Variants in ACYP2 observed in about 807,000 individuals in gnomAD.
ACYP2 encodes acylphosphatase-2.
Under a neutral mutation model 11.2 loss-of-function variants are expected in ACYP2, and 12 were observed. The observed-to-expected ratio is 1.08, with a 90% CI of 0.69 to 1.74. The LOEUF (loss-of-function observed/expected upper bound fraction) is 1.74, where lower values mean the gene tolerates loss of function less well. ACYP2 is among the 40% of genes most tolerant of loss of function. ACYP2 has a pLI of 0.00. For synonymous variants in ACYP2, 43 were observed against 32.2 expected, an observed-to-expected ratio of 1.33 and a Z score of -1.13; for missense variants, 134 against 101.9, an observed-to-expected ratio of 1.31 and a Z score of -1.35.
At chr2:54,052,009 T>C (rs1282422814) in intron 3 of ACYP2, among the ~76,000 whole-genome samples, 1 of 151,478 alleles carries the variant, frequency 6.6e-6, no homozygotes, top group Non-Finnish European at 1.5e-5. Flanking sequence ...ATCGCACCAT[T>C]GCACTGGAGC....
intron 2 of ACYP2, among the ~76,000 whole-genome samples, chr2:54,038,940 G>A (rs1307694287): frequency 1.3e-5 from 2 of 151,954 alleles, no homozygotes; most frequent in Non-Finnish European, 2.9e-5. Flanking sequence ...ACAGGGAAGG[G>A]CTCACTGAGA....
chr2:54,007,566 A>C (rs1429686875), intron 2 of ACYP2, among the ~76,000 whole-genome samples: 4 of 151,886 alleles, frequency 2.6e-5, no homozygotes, highest in Non-Finnish European at 4.4e-5. Context: ...ATGGTTTTTC[A>C]TTAGGTTTAC....
chr2:54,061,525 C>G (rs567046413), intron 4 of ACYP2, among the ~76,000 whole-genome samples: 16 of 152,260 alleles, frequency 1.1e-4, no homozygotes, highest in Non-Finnish European at 1.6e-4. Context: ...GAGGGCTGGT[C>G]TATAATTGTA....
At chr2:54,163,266 A>G (rs1050503827) in intron 6 of ACYP2, among the ~76,000 whole-genome samples, 12 of 152,182 alleles carry the variant, frequency 7.9e-5, no homozygotes, top group Admixed American at 2.0e-4. Flanking sequence ...TTGATTTAGT[A>G]TACCTAAAGT....
chr2:54,147,884 A>C (rs1681966995), intron 6 of ACYP2, among the ~76,000 whole-genome samples: 1 of 152,132 alleles, frequency 6.6e-6, no homozygotes, highest in African/African-American at 2.4e-5. Context: ...GTTTTGTACC[A>C]GCTAGGAATA....
At chr2:54,162,401 G>C (rs1474479162) in intron 6 of ACYP2, among the ~76,000 whole-genome samples, 1 of 152,104 alleles carries the variant, frequency 6.6e-6, no homozygotes, top group African/African-American at 2.4e-5. Context: ...TACTAGCTCA[G>C]TATTCTCTCT....
chr2:54,255,870 GGGT>G (rs777269874), intron 6 of ACYP2: 2 of 1,613,992 alleles, frequency 1.2e-6, no homozygotes, highest in Non-Finnish European at 1.7e-6. Flanking sequence ...GGCCCTCCGC[GGGT>G]GGTGGAGTCA....
intron 6 of ACYP2, among the ~76,000 whole-genome samples, chr2:54,228,954 A>C (rs1202043930): frequency 6.6e-6 from 1 of 152,216 alleles, no homozygotes. Context: ...AAGTAGAGGC[A>C]GCATTTCTTG....
intron 6 of ACYP2, among the ~76,000 whole-genome samples, chr2:54,291,376 G>A (rs1689295962): frequency 6.6e-6 from 1 of 152,088 alleles, no homozygotes; most frequent in African/African-American, 2.4e-5. Context: ...CCACCATACA[G>A]ACCGGCAAAA....
intron 2 of ACYP2, among the ~76,000 whole-genome samples, chr2:54,017,873 A>G (rs775066192): frequency 1.3e-5 from 2 of 151,160 alleles, no homozygotes; most frequent in East Asian, 2.0e-4. Flanking sequence ...GTATTTAAAA[A>G]TTTTTTTTTC....
intron 6 of ACYP2, among the ~76,000 whole-genome samples, chr2:54,166,402 A>T (rs948886044): frequency 6.6e-6 from 1 of 152,234 alleles, no homozygotes; most frequent in Non-Finnish European, 1.5e-5. Flanking sequence ...ACACAGAAGA[A>T]TGTGTATACA....
intron 6 of ACYP2, among the ~76,000 whole-genome samples, chr2:54,270,141 CCT>C (rs1326580945): frequency 6.6e-6 from 1 of 151,932 alleles, no homozygotes; most frequent in South Asian, 2.1e-4. Context: ...TAACTTCTTC[CCT>C]GTTTCCTAAT....
At chr2:54,163,960 G>A (rs997222994) in intron 6 of ACYP2, among the ~76,000 whole-genome samples, 8 of 152,202 alleles carry the variant, frequency 5.3e-5, no homozygotes, top group Admixed American at 2.6e-4. Flanking sequence ...TAAAGTCCTT[G>A]ACCTTGAGGA....
intron 6 of ACYP2, among the ~76,000 whole-genome samples, chr2:54,213,398 C>T (rs1007218802): frequency 3.9e-5 from 6 of 152,058 alleles, no homozygotes; most frequent in African/African-American, 1.4e-4. Flanking sequence ...CTGTGATAAA[C>T]ATATACGTGC....
At chr2:54,269,772 C>A (rs539816012) in intron 6 of ACYP2, among the ~76,000 whole-genome samples, 2 of 152,294 alleles carry the variant, frequency 1.3e-5, no homozygotes, top group East Asian at 3.9e-4. Context: ...TTCCCTTGTT[C>A]CACCTCAATT....
intron 6 of ACYP2, among the ~76,000 whole-genome samples, chr2:54,224,109 T>A (rs1372333248): frequency 6.6e-6 from 1 of 152,110 alleles, no homozygotes; most frequent in African/African-American, 2.4e-5. Flanking sequence ...AGCATTTTAT[T>A]TTTGTGTGAC....
intron 6 of ACYP2, among the ~76,000 whole-genome samples, chr2:54,167,628 C>T (rs556212323): frequency 5.3e-5 from 8 of 151,762 alleles, no homozygotes; most frequent in South Asian, 2.1e-4. Context: ...TATGAAAGAA[C>T]GTTAAGGAAT....
chr2:54,077,721 T>C (rs1677421104), intron 4 of ACYP2, among the ~76,000 whole-genome samples: 1 of 152,180 alleles, frequency 6.6e-6, no homozygotes, highest in Non-Finnish European at 1.5e-5. Flanking sequence ...GTGTGGGAGT[T>C]TGGCTTATGT....
In ACYP2 at chr2:54,044,636, G is replaced by C. The variant is rs747657388; in HGVS notation, c.63-6322G>C. On this transcript the variant is annotated intron_variant, in intron 2 of 6. Transcript: ENST00000607452. Reference sequence around the variant, plus strand: ...AAAAAAAAGATCCTGGGAGGCAAACGGTTTATTAATCAGGACCCTACAATT... The same window carrying C: ...AAAAAAAAGATCCTGGGAGGCAAACCGTTTATTAATCAGGACCCTACAATT... Among the ~76,000 whole-genome samples, 3 of 151,844 alleles carry C rather than the reference G, an allele frequency of 2.0e-5. No individual in the cohort carries two copies. The East Asian group carries it at 5.8e-4, about 29-fold the overall frequency.
Sources: allele counts gnomAD v4.1 joint callset (sites outside exome capture counted in the v4.1 genomes callset), GRCh38; gene constraint gnomAD v4.1.1; transcripts MANE v1.5; gene names NCBI Gene and HGNC (gene_info 2026-07-23, HGNC 2026-07-21).